The following POR variants were observed in gnomAD, a reference collection of about 807,000 sequenced individuals.
POR encodes the protein cytochrome p450 oxidoreductase.
A neutral mutation model predicts 84.0 loss-of-function variants in POR; 56 were observed. That is an observed-to-expected ratio of 0.67 (90% confidence interval 0.54 to 0.83). The LOEUF is 0.83. Ranked by LOEUF, POR falls within the 40% of genes least tolerant of loss-of-function variation. The pLI, the probability that POR is intolerant of heterozygous loss-of-function variation, is 0.00. For synonymous variants in POR, 414 were observed against 400.5 expected (o/e 1.03, Z -0.40); for missense variants, 938 against 944.3 (o/e 0.99, Z 0.09).
chr7:75,980,493 G>C lies in POR; in HGVS notation c.516+5G>C. 1 of 1,612,876 alleles carries C rather than the reference G, an allele frequency of 6.2e-7. No homozygotes were observed. The highest frequency in any genetic ancestry group is 8.5e-7 in the Non-Finnish European group (1 of 1,179,820). Reference sequence around the variant, plus strand: ...CTCTCTGGGGTCAAGTTCGCGGTGAGTCACCCAGAGACTGCTATGGGCTCC... The same window carrying C: ...CTCTCTGGGGTCAAGTTCGCGGTGACTCACCCAGAGACTGCTATGGGCTCC... On this transcript the variant is annotated splice_donor_5th_base_variant and intron_variant, in intron 5 of 15. Coordinates refer to ENST00000461988, the MANE Select transcript of POR (RefSeq NM_000941.3).
intron 2 of POR, among the ~76,000 whole-genome samples, chr7:75,959,362 T>G (rs559979900): frequency 7.0e-4 from 106 of 152,244 alleles, no homozygotes; most frequent in African/African-American, 2.4e-3. Context: ...CACAGAGCAG[T>G]AGGGAGTAAT....
intron 1 of POR, among the ~76,000 whole-genome samples, chr7:75,942,443 A>G (rs1194229150): frequency 2.0e-5 from 3 of 152,168 alleles, no homozygotes; most frequent in African/African-American, 7.2e-5. Context: ...AATCATTGGA[A>G]GACAGCATTT....
chr7:75,959,593 T>C (rs1257919886), intron 2 of POR, among the ~76,000 whole-genome samples: 3 of 152,198 alleles, frequency 2.0e-5, no homozygotes, highest in African/African-American at 7.2e-5. Flanking sequence ...GTTGCTGGGA[T>C]TACAGGCACC....
rs141709727 is a variant in POR at position 75,930,343 on chromosome 7, G to A, written c.-5+15164G>A. Among the ~76,000 whole-genome samples the A allele has an allele frequency of 6.6e-4, 101 of 152,200 alleles. No homozygotes were observed. The East Asian group carries it at 0.013, about 19-fold the overall frequency. On this transcript the variant is annotated intron_variant, in intron 1 of 15. Coordinates refer to ENST00000461988, the MANE Select transcript of POR (RefSeq NM_000941.3). Reference sequence around the variant, plus strand: ...AGAGACATTCAGAAACTAGCCAGGCGTAGTGGTGTGCACCTGTAGTCCCAG... The same window carrying A: ...AGAGACATTCAGAAACTAGCCAGGCATAGTGGTGTGCACCTGTAGTCCCAG...
chr7:75,967,764 G>C (rs1436650370), intron 2 of POR: 3 of 286,992 alleles, frequency 1.0e-5, no homozygotes, highest in South Asian at 9.6e-5. Flanking sequence ...CCATACAGAG[G>C]GAGGAGGGGT....
intron 1 of POR, among the ~76,000 whole-genome samples, chr7:75,938,066 C>T (rs1336334592): frequency 9.8e-5 from 15 of 152,330 alleles, no homozygotes; most frequent in African/African-American, 3.6e-4. Context: ...TGTGCTGAGT[C>T]ATGCCCACTG....
intron 7 of POR, chr7:75,981,957 G>T: frequency 1.8e-6 from 1 of 559,570 alleles, no homozygotes; most frequent in South Asian, 2.2e-5. Flanking sequence ...TGCTGCCCGG[G>T]CTTCCTTACC....
chr7:75,969,619 C>T (rs1383917390), intron 2 of POR, among the ~76,000 whole-genome samples: 1 of 152,230 alleles, frequency 6.6e-6, no homozygotes, highest in African/African-American at 2.4e-5. Flanking sequence ...GGAGATGGAA[C>T]TTCCCTGGAA....
In POR at chr7:75,981,033, C is replaced by G; in HGVS notation, c.517-15C>G. ...TCGAGGGCCAGGCCTCAGAGCGGCCCCTGTGTCCACGCAGGTGTTTGGTCT... is the reference window on the plus strand; with the variant it reads ...TCGAGGGCCAGGCCTCAGAGCGGCCGCTGTGTCCACGCAGGTGTTTGGTCT... On this transcript the variant is annotated splice_polypyrimidine_tract_variant and intron_variant, in intron 5 of 15. Coordinates refer to ENST00000461988, the MANE Select transcript of POR (RefSeq NM_000941.3). 2 of 1,559,464 alleles carry G rather than the reference C, an allele frequency of 1.3e-6. No individual in the cohort carries two copies. Among genetic ancestry groups the G allele is most frequent in the Non-Finnish European group, 1.7e-6 (2 of 1,149,942 alleles).
intron 10 of POR, among the ~76,000 whole-genome samples, 155 bp downstream of exon 10, chr7:75,984,011 C>T (rs989669475): frequency 1.3e-5 from 2 of 152,156 alleles, no homozygotes; most frequent in Non-Finnish European, 2.9e-5. Context: ...CCCAAGCAAA[C>T]GGGAGGCGGG....
At chr7:75,973,673 G>GTTT (rs1788542898) in intron 3 of POR, among the ~76,000 whole-genome samples, 2 of 42,164 alleles carry the variant, frequency 4.7e-5, no homozygotes, top group Non-Finnish European at 4.8e-5. Flanking sequence ...TCCAGACCTT[G>GTTT]CTTTTTTTTT....
chr7:75,975,208 A>G (rs1788624205), intron 3 of POR, among the ~76,000 whole-genome samples: 1 of 152,122 alleles, frequency 6.6e-6, no homozygotes, highest in African/African-American at 2.4e-5. Flanking sequence ...TCAAAATTTA[A>G]AATCTGATCT....
intron 1 of POR, among the ~76,000 whole-genome samples, chr7:75,935,622 TG>T (rs1807636942): frequency 1.4e-4 from 2 of 13,860 alleles, no homozygotes; most frequent in East Asian, 2.6e-3. Context: ...TCGGGGCTTG[TG>T]TGTGTGTGTG....
In POR at chr7:75,985,726, G is replaced by C; in HGVS notation, c.1546G>C (p.Val516Leu). The C allele has an allele frequency of 6.3e-7, 1 of 1,588,906 alleles. No individual in the cohort carries two copies. The highest frequency in any genetic ancestry group is 8.6e-7 in the Non-Finnish European group (1 of 1,169,426). ...CGGCCGTGCGCTGGTGCCCATGTTC[G>C]TGCGCAAGTCCCAGTTCCGCCTGCC... The change falls in exon 13 of 16, where the codon GTG becomes CTG. Residue 516 changes from valine (V) to leucine (L), a missense_variant. Val to Leu is a conservative substitution (Grantham distance 32). Coordinates refer to ENST00000461988, the MANE Select transcript of POR (RefSeq NM_000941.3).
chr7:75,982,376 C>T, intron 8 of POR, 54 bp downstream of exon 8: 2 of 1,420,998 alleles, frequency 1.4e-6, no homozygotes, highest in South Asian at 2.4e-5. Context: ...ACTGGTGCAC[C>T]CCAGGCTCAG....
In POR at chr7:75,936,074, G is replaced by GTTTC. The variant is rs1356549825; in HGVS notation, c.-4-17903_-4-17900dup. ...GATTAACTTTTCCAGTGTCTTTACT[G>GTTTC]TTTCTTTCTTTCTTTTTTTTTTTTT... On this transcript the variant is annotated intron_variant, in intron 1 of 15. Coordinates refer to ENST00000461988, the MANE Select transcript of POR (RefSeq NM_000941.3). Among the ~76,000 whole-genome samples, 15 of 134,372 alleles carry GTTTC rather than the reference G, an allele frequency of 1.1e-4. No homozygotes were observed. The East Asian group carries it at 2.2e-3, about 20-fold the overall frequency. 88.2% of individuals were successfully genotyped at this position (134,372 alleles called of 152,430 possible).
chr7:75,979,572 A>G lies in POR; in HGVS notation c.359A>G (p.Tyr120Cys). The G allele has an allele frequency of 1.9e-6, 3 of 1,613,272 alleles. No homozygotes were observed. Among genetic ancestry groups the G allele is most frequent in the Non-Finnish European group, 2.5e-6 (3 of 1,179,748 alleles). ...GGCATGTCAGCGGACCCTGAGGAGTATGACCTGGTAAGCTGCCACCGCGTG... is the reference window on the plus strand; with the variant it reads ...GGCATGTCAGCGGACCCTGAGGAGTGTGACCTGGTAAGCTGCCACCGCGTG... The change falls in exon 4 of 16, where the codon TAT (tyrosine) becomes TGT (cysteine). Residue 120 changes from tyrosine to cysteine, a missense_variant. Coordinates refer to ENST00000461988, the MANE Select transcript of POR (RefSeq NM_000941.3).
rs1554559514 is a variant in POR, at chr7:75,986,460, C to T, written c.2022C>T (p.Tyr674=). The change falls in exon 16 of 16, where the codon TAC becomes TAT. Residue 674 remains tyrosine, a synonymous_variant. Transcript: ENST00000461988. The stretch of plus-strand genomic sequence containing the variant: ...AGAAACTGATGACCAAGGGCCGCTA[C>T]TCCCTGGACGTGTGGAGCTAGGGGC... 4.3e-6 allele frequency: 7 copies of T among 1,611,084 alleles called. No individual in the cohort carries two copies. The highest frequency in any genetic ancestry group is 5.9e-6 in the Non-Finnish European group (7 of 1,179,772).
In POR at chr7:75,983,528, A is replaced by G. The variant is rs1345056809; in HGVS notation, c.839A>G (p.Asp280Gly). 1 of 1,612,472 alleles carries G rather than the reference A, an allele frequency of 6.2e-7. No individual in the cohort carries two copies. The highest frequency in any genetic ancestry group is 1.3e-5 in the African/African-American group (1 of 74,920). ...CTCTCCTCCCCACCCAGCCCCTTTG[A>G]TGCCAAGAATCCGTTCCTGGCTGCA... Residue 280 changes from aspartate (D) to glycine (G), a missense_variant, in exon 9 of 16, where the codon GAT becomes GGT. Asp to Gly is a moderately conservative substitution (Grantham distance 94). Transcript: ENST00000461988.
Sources: gnomAD v4.1 joint callset for allele counts (sites outside exome capture counted in the v4.1 genomes callset) on GRCh38, gnomAD v4.1.1 for gene constraint, MANE v1.5 for transcripts, NCBI Gene and HGNC (gene_info 2026-07-23, HGNC 2026-07-21) for gene names.